LIN7A: variants seen among roughly 807,000 people sequenced by gnomAD.
LIN7A encodes the protein protein lin-7 homolog A.
A neutral mutation model predicts 29.8 loss-of-function variants in LIN7A; 25 were observed. The ratio of observed to expected loss-of-function variants is 0.84; its 90% CI spans 0.61 to 1.17. The LOEUF (loss-of-function observed/expected upper bound fraction) is 1.17, where lower values mean the gene tolerates loss of function less well. LIN7A is among the 50% of genes most tolerant of loss of function. The pLI is 0.00. For synonymous variants in LIN7A, 118 were observed against 107.5 expected (o/e 1.10, Z -0.60); for missense variants, 239 against 287.0 (o/e 0.83, Z 1.21).
chr12:80,847,645 T>C (rs1873140115), intron 3 of LIN7A, among the ~76,000 whole-genome samples: 1 of 152,198 alleles, frequency 6.6e-6, no homozygotes. Flanking sequence ...TAATGGCCTA[T>C]TTTCCTGATA....
At chr12:80,845,989 A>C in intron 3 of LIN7A, 50 bp from the exon 4 acceptor site, 1 of 1,506,270 alleles carries the variant, frequency 6.6e-7, no homozygotes, top group Non-Finnish European at 8.9e-7. Context: ...TGAGGGAAAT[A>C]AAGGCTAATC....
chr12:80,930,544 A>G (rs1186300815), intron 1 of LIN7A, among the ~76,000 whole-genome samples: 1 of 152,232 alleles, frequency 6.6e-6, no homozygotes, highest in Non-Finnish European at 1.5e-5. Flanking sequence ...TAGCTTATAT[A>G]TATGTGTGTG....
intron 2 of LIN7A, among the ~76,000 whole-genome samples, chr12:80,866,587 CAT>C (rs1419456689): frequency 6.6e-6 from 1 of 152,148 alleles, no homozygotes; most frequent in Non-Finnish European, 1.5e-5. Context: ...ATTCTTAAAA[CAT>C]AGTGATGTCT....
intron 1 of LIN7A, among the ~76,000 whole-genome samples, chr12:80,915,518 C>A (rs1238261563): frequency 6.6e-6 from 1 of 152,214 alleles, no homozygotes; most frequent in Non-Finnish European, 1.5e-5. Context: ...AACCCCATTA[C>A]TGGGTATATA....
intron 1 of LIN7A, among the ~76,000 whole-genome samples, chr12:80,925,605 C>T (rs1030287277): frequency 1.3e-5 from 2 of 152,204 alleles, no homozygotes; most frequent in East Asian, 1.9e-4. Flanking sequence ...TACTATTTTC[C>T]GTTTTACAGA....
intron 4 of LIN7A, among the ~76,000 whole-genome samples, chr12:80,835,964 T>C (rs1872573677): frequency 1.3e-5 from 2 of 151,990 alleles, no homozygotes; most frequent in Admixed American, 1.3e-4. Context: ...TTTAAGGATA[T>C]AGAAAGAAAA....
At position 80,937,622 on chromosome 12, in the gene LIN7A, G is replaced by A; in HGVS notation, c.82+19C>T. The A allele has an allele frequency of 6.8e-7, 1 of 1,463,780 alleles. No individual in the cohort carries two copies. The allele number at this position is 1,463,780 out of a possible 1,614,324, so 90.7% of individuals were successfully genotyped here. A position where few individuals can be genotyped will look rare whatever the true frequency, so the allele number is the denominator to read the frequency against. ...GGGAGAGGGGACGCGGTGGCCTGGC[G>A]AGCGAGCCGCTCCCTTACCTCTGTC... On this transcript the variant is annotated intron_variant, in intron 1 of 5. Coordinates refer to ENST00000552864, the MANE Select transcript of LIN7A (RefSeq NM_004664.4).
intron 2 of LIN7A, among the ~76,000 whole-genome samples, chr12:80,858,617 C>G (rs533846963): frequency 9.9e-5 from 15 of 151,632 alleles, no homozygotes; most frequent in Middle Eastern, 3.2e-3. Context: ...AATGCCTGAG[C>G]AAAATTTTGG....
At chr12:80,881,648 T>TAC (rs1875046582) in intron 2 of LIN7A, among the ~76,000 whole-genome samples, 1 of 147,466 alleles carries the variant, frequency 6.8e-6, no homozygotes, top group Non-Finnish European at 1.5e-5. Context: ...TATATATATG[T>TAC]ACACACACAT....
intron 4 of LIN7A, among the ~76,000 whole-genome samples, chr12:80,841,348 GAA>G: frequency 1.8e-4 from 2 of 11,276 alleles, no homozygotes; most frequent in Non-Finnish European, 5.2e-4. Context: ...GGGAGGGAAG[GAA>G]GGAAGGAAGG....
At chr12:80,907,825 A>C (rs1876564187) in intron 1 of LIN7A, among the ~76,000 whole-genome samples, 1 of 152,146 alleles carries the variant, frequency 6.6e-6, no homozygotes, top group Non-Finnish European at 1.5e-5. Context: ...ACTAGTAATA[A>C]ATATAAGAAG....
intron 5 of LIN7A, among the ~76,000 whole-genome samples, chr12:80,801,313 G>T (rs1870709830): frequency 6.6e-6 from 1 of 152,022 alleles, no homozygotes; most frequent in South Asian, 2.1e-4. Flanking sequence ...GAAAGAGGGG[G>T]ACAGAAAACA....
intron 2 of LIN7A, among the ~76,000 whole-genome samples, chr12:80,871,007 G>A (rs1272670145): frequency 6.6e-6 from 1 of 152,128 alleles, no homozygotes; most frequent in Non-Finnish European, 1.5e-5. Flanking sequence ...AATGTAAAAA[G>A]CATTCAAATA....
intron 4 of LIN7A, chr12:80,832,729 A>C: frequency 2.3e-6 from 1 of 426,094 alleles, no homozygotes; most frequent in South Asian, 1.7e-5. Flanking sequence ...AGTCCATTCT[A>C]TTCATATTTA....
intron 2 of LIN7A, among the ~76,000 whole-genome samples, chr12:80,880,733 C>T (rs1374897453): frequency 6.7e-6 from 1 of 150,046 alleles, no homozygotes. Flanking sequence ...TTGATAAACT[C>T]TGTTGGGAGG....
chr12:80,824,493 A>G (rs983436470), intron 4 of LIN7A, among the ~76,000 whole-genome samples: 6 of 152,226 alleles, frequency 3.9e-5, no homozygotes, highest in Admixed American at 2.0e-4. Flanking sequence ...ATAAAGAGGA[A>G]ATCCTCCCTA....
chr12:80,863,799 G>A (rs1446163316), intron 2 of LIN7A, among the ~76,000 whole-genome samples: 1 of 152,080 alleles, frequency 6.6e-6, no homozygotes, highest in African/African-American at 2.4e-5. Flanking sequence ...CTGGTGGTAT[G>A]GGTTATGATG....
intron 5 of LIN7A, among the ~76,000 whole-genome samples, chr12:80,808,192 C>T (rs1453064891): frequency 2.0e-5 from 3 of 152,204 alleles, no homozygotes; most frequent in Non-Finnish European, 4.4e-5. Context: ...AGTCTCTTTT[C>T]CTGGCTTCTT....
chr12:80,852,800 C>T (rs568110457), intron 2 of LIN7A, among the ~76,000 whole-genome samples: 1 of 152,306 alleles, frequency 6.6e-6, no homozygotes, highest in African/African-American at 2.4e-5. Context: ...ACTCATCTCA[C>T]ACAATCCCCA....
Sources: allele counts gnomAD v4.1 joint callset (sites outside exome capture counted in the v4.1 genomes callset), GRCh38; gene constraint gnomAD v4.1.1; transcripts MANE v1.5; gene names NCBI Gene and HGNC (gene_info 2026-07-23, HGNC 2026-07-21).